Variants in TDRD12 observed in about 807,000 individuals in gnomAD.
TDRD12 encodes tudor domain containing 12.
TDRD12 carries 158 observed loss-of-function variants against 133.5 expected under a neutral mutation model. That is an observed-to-expected ratio of 1.18 (90% CI 1.04 to 1.35). The LOEUF (loss-of-function observed/expected upper bound fraction) is 1.35, where lower values mean the gene tolerates loss of function less well. Ranked by LOEUF, TDRD12 falls within the 40% of genes most tolerant of loss-of-function variation. TDRD12 has a pLI of 0.00. For synonymous variants in TDRD12, 460 were observed against 477.9 expected (o/e 0.96, Z 0.49); for missense variants, 1,443 against 1,321.3 (o/e 1.09, Z -1.43).
intron 4 of TDRD12, among the ~76,000 whole-genome samples, chr19:32,746,012 G>A: frequency 6.8e-6 from 1 of 148,110 alleles, no homozygotes; most frequent in Non-Finnish European, 1.5e-5. Flanking sequence ...GAGAGAGAAG[G>A]AGAGAGACTG....
chr19:32,778,832 G>A (rs748525619), intron 11 of TDRD12, among the ~76,000 whole-genome samples: 3 of 152,078 alleles, frequency 2.0e-5, no homozygotes, highest in East Asian at 1.9e-4. Flanking sequence ...TTTTATTTTC[G>A]TATTAAAAAG....
intron 1 of TDRD12, among the ~76,000 whole-genome samples, chr19:32,729,221 G>GTT (rs551149308): frequency 1.7e-4 from 20 of 120,786 alleles, no homozygotes; most frequent in Non-Finnish European, 2.9e-4. Context: ...TTTTTTTTTT[G>GTT]TTTTTTTTTT....
chr19:32,818,919 G>C (rs1042326037), intron 27 of TDRD12, among the ~76,000 whole-genome samples: 1 of 152,046 alleles, frequency 6.6e-6, no homozygotes, highest in African/African-American at 2.4e-5. Context: ...TGACTTGCTG[G>C]GTTAGTGGCC....
At chr19:32,820,935 G>A in intron 27 of TDRD12, 98 bp from the exon 28 acceptor site, 3 of 955,930 alleles carry the variant, frequency 3.1e-6, no homozygotes, top group Non-Finnish European at 4.7e-6. Flanking sequence ...TGACTCCACG[G>A]CCACAGGCAC....
At chr19:32,744,046 AG>A (rs1969515680) in intron 4 of TDRD12, among the ~76,000 whole-genome samples, 1 of 151,542 alleles carries the variant, frequency 6.6e-6, no homozygotes, top group Admixed American at 6.6e-5. Context: ...AAAAAAAAAA[AG>A]TATGTTGAAA....
At position 32,804,600 on chromosome 19, in the gene TDRD12, G is replaced by A. The variant is rs180993433; in HGVS notation, c.2552+1458G>A. ...CCCAGCTACTTGGGAGGCTGAGGCA[G>A]GAGAATCACTTGAACCCTGGAGGCA... On this transcript the variant is annotated intron_variant, in intron 21 of 27. Transcript: ENST00000444215. Among the ~76,000 whole-genome samples the A allele has an allele frequency of 2.0e-5, 3 of 151,718 alleles. No homozygotes were observed. In the East Asian group the frequency reaches 6.0e-4, roughly 30 times the overall value.
At chr19:32,768,369 G>A (rs1005497213) in intron 8 of TDRD12, among the ~76,000 whole-genome samples, 1 of 149,248 alleles carries the variant, frequency 6.7e-6, no homozygotes, top group Admixed American at 6.7e-5. Flanking sequence ...TATCATTTCT[G>A]GTGGTGGTCT....
intron 1 of TDRD12, 85 bp from the exon 2 acceptor site, chr19:32,731,640 A>C: frequency 1.6e-6 from 2 of 1,229,744 alleles, no homozygotes; most frequent in South Asian, 3.7e-5. Context: ...TTAAATTAGA[A>C]ACAGTAATCG....
intron 3 of TDRD12, among the ~76,000 whole-genome samples, chr19:32,741,297 G>A (rs554402567): frequency 6.6e-6 from 1 of 152,224 alleles, no homozygotes; most frequent in East Asian, 1.9e-4. Flanking sequence ...GGCCAGGCTG[G>A]TCTTGAACTC....
intron 4 of TDRD12, among the ~76,000 whole-genome samples, chr19:32,744,122 A>T (rs554924025): frequency 1.6e-3 from 246 of 151,946 alleles, no homozygotes; most frequent in African/African-American, 5.9e-3. Flanking sequence ...GATGTGATTG[A>T]CATACTTGCT....
chr19:32,759,193 C>A (rs918963264), intron 8 of TDRD12, among the ~76,000 whole-genome samples: 1 of 152,116 alleles, frequency 6.6e-6, no homozygotes, highest in African/African-American at 2.4e-5. Context: ...GAGGAGTGAA[C>A]CCTGTAGACT....
intron 27 of TDRD12, among the ~76,000 whole-genome samples, chr19:32,819,224 G>C (rs763127841): frequency 2.6e-5 from 4 of 151,706 alleles, no homozygotes; most frequent in Non-Finnish European, 5.9e-5. Flanking sequence ...CACTGAGGTG[G>C]GAAGATTGGT....
chr19:32,814,476 G>A (rs1002637459), intron 25 of TDRD12, among the ~76,000 whole-genome samples: 2 of 152,184 alleles, frequency 1.3e-5, no homozygotes, highest in Non-Finnish European at 2.9e-5. Context: ...AAGGGAGTTT[G>A]GATGTAAGGT....
chr19:32,818,693 G>A (rs554700543), intron 27 of TDRD12, among the ~76,000 whole-genome samples: 1 of 152,302 alleles, frequency 6.6e-6, no homozygotes, highest in South Asian at 2.1e-4. Flanking sequence ...GAGGGGTCCG[G>A]GGGTGAGCCC....
intron 9 of TDRD12, among the ~76,000 whole-genome samples, chr19:32,773,150 T>G (rs1017492403): frequency 6.6e-6 from 1 of 152,210 alleles, no homozygotes; most frequent in Non-Finnish European, 1.5e-5. Context: ...ATTGTCCTAG[T>G]GAAGTGCAAG....
At chr19:32,767,618 T>C (rs1970335955) in intron 8 of TDRD12, among the ~76,000 whole-genome samples, 1 of 152,158 alleles carries the variant, frequency 6.6e-6, no homozygotes. Flanking sequence ...TCCTGAAGGT[T>C]TTGCCGCCAT....
At chr19:32,746,949 AGGGG>A (rs1182083401) in intron 4 of TDRD12, among the ~76,000 whole-genome samples, 4 of 121,684 alleles carry the variant, frequency 3.3e-5, no homozygotes, top group African/African-American at 1.0e-4. Context: ...AGAGAGAGAG[AGGGG>A]GAGAGACTGG....
At chr19:32,765,499 A>G (rs1045075276) in intron 8 of TDRD12, among the ~76,000 whole-genome samples, 2 of 152,194 alleles carry the variant, frequency 1.3e-5, no homozygotes, top group African/African-American at 4.8e-5. Flanking sequence ...CAAATGTCCA[A>G]AAATGATAGA....
rs142278052 is a variant in TDRD12, at chr19:32,826,944, C to T, written c.1050-220C>T. 1.5e-4 allele frequency among the ~76,000 whole-genome samples: 23 copies of T among 152,266 alleles called. No individual in the cohort carries two copies. In the East Asian group the frequency reaches 4.4e-3, roughly 29 times the overall value. On this transcript the variant is annotated intron_variant, in intron 9 of 9. Transcript: ENST00000637289. ...ACTTTTCAACCCTTGGTGATAAACA[C>T]ACCTTTTAATAACACACTACAGATA...
Sources: gnomAD v4.1 joint callset for allele counts (sites outside exome capture counted in the v4.1 genomes callset) on GRCh38, gnomAD v4.1.1 for gene constraint, MANE v1.5 for transcripts, NCBI Gene and HGNC (gene_info 2026-07-23, HGNC 2026-07-21) for gene names.